GAB2: variants seen among roughly 807,000 people sequenced by gnomAD.
GAB2 encodes GRB2-associated-binding protein 2.
Under a neutral mutation model 65.5 loss-of-function variants are expected in GAB2, and 26 were observed. That is an observed-to-expected ratio of 0.40 (90% CI 0.29 to 0.55). GAB2 has a LOEUF of 0.55. Ranked by LOEUF, GAB2 falls within the 20% of genes least tolerant of loss-of-function variation. The pLI is 0.53. For synonymous variants in GAB2, 321 were observed against 329.6 expected, an observed-to-expected ratio of 0.97 and a Z score of 0.28; for missense variants, 884 against 875.8, an observed-to-expected ratio of 1.01 and a Z score of -0.12.
In GAB2 at chr11:78,254,253, T is replaced by A. The variant is rs890881138; in HGVS notation, c.377-3853A>T. Reference sequence around the variant, plus strand: ...CTATCACTTATGTACCCCTAGTGCCTAGAACAGCCCCAGCCATGGTATGTA... The same window carrying A: ...CTATCACTTATGTACCCCTAGTGCCAAGAACAGCCCCAGCCATGGTATGTA... On this transcript the variant is annotated intron_variant, in intron 2 of 9. Transcript: ENST00000361507. Among the ~76,000 whole-genome samples, 4 of 152,328 alleles carry A rather than the reference T, an allele frequency of 2.6e-5. No individual in the cohort carries two copies. In the East Asian group the frequency reaches 7.7e-4, roughly 29 times the overall value.
At chr11:78,401,713 T>C (rs991333834) in intron 1 of GAB2, among the ~76,000 whole-genome samples, 6 of 152,206 alleles carry the variant, frequency 3.9e-5, no homozygotes, top group African/African-American at 1.4e-4. Flanking sequence ...TATATGTGTG[T>C]ATATATGAAC....
At chr11:78,413,614 C>T (rs1434141354) in intron 1 of GAB2, among the ~76,000 whole-genome samples, 3 of 152,026 alleles carry the variant, frequency 2.0e-5, no homozygotes, top group Admixed American at 2.0e-4. Flanking sequence ...GCATAAACCA[C>T]CACCAAGTTT....
At chr11:78,280,179 T>C (rs1227215917) in intron 2 of GAB2, among the ~76,000 whole-genome samples, 6 of 152,118 alleles carry the variant, frequency 3.9e-5, no homozygotes, top group African/African-American at 7.2e-5. Flanking sequence ...AAGGGTCAAG[T>C]GTGACTGTGC....
chr11:78,377,719 G>C (rs535685634), intron 1 of GAB2, among the ~76,000 whole-genome samples: 2 of 152,258 alleles, frequency 1.3e-5, no homozygotes, highest in East Asian at 3.9e-4. Context: ...CAGTATTGTA[G>C]CAAAGATTAA....
chr11:78,299,283 G>T (rs1352976827), intron 1 of GAB2, among the ~76,000 whole-genome samples: 5 of 152,152 alleles, frequency 3.3e-5, no homozygotes, highest in Middle Eastern at 3.4e-3. Flanking sequence ...TCCTGCTCTG[G>T]GCCATTTCCT....
intron 2 of GAB2, among the ~76,000 whole-genome samples, chr11:78,280,136 C>A (rs1331054041): frequency 6.6e-6 from 1 of 152,194 alleles, no homozygotes. Context: ...AACACTGAAT[C>A]GTCAATAATC....
chr11:78,235,006 T>C (rs1358031356), intron 3 of GAB2, among the ~76,000 whole-genome samples: 1 of 151,810 alleles, frequency 6.6e-6, no homozygotes, highest in Non-Finnish European at 1.5e-5. Context: ...CGACAGACTT[T>C]CTCCTCCCGG....
chr11:78,295,580 A>G (rs11237444), intron 1 of GAB2, among the ~76,000 whole-genome samples: 2,643 of 152,326 alleles, frequency 0.017, 87 homozygotes, highest in African/African-American at 0.062. Flanking sequence ...CAAGTACAGT[A>G]CATAGGTAAC....
chr11:78,406,669 A>G (rs1857049385), intron 1 of GAB2, among the ~76,000 whole-genome samples: 1 of 150,818 alleles, frequency 6.6e-6, no homozygotes, highest in East Asian at 2.0e-4. Flanking sequence ...TGAGCCAAAA[A>G]TGTCCAGGTT....
At chr11:78,395,746 T>G (rs1198878341) in intron 1 of GAB2, among the ~76,000 whole-genome samples, 1 of 152,206 alleles carries the variant, frequency 6.6e-6, no homozygotes, top group Non-Finnish European at 1.5e-5. Context: ...CAGGCTAAGG[T>G]TGCCATTATC....
In GAB2 at chr11:78,218,112, CCTT is replaced by C; in HGVS notation, c.*1157_*1159del. The C allele has an allele frequency of 6.5e-6, 1 of 153,498 alleles. No homozygotes were observed. The highest frequency in any genetic ancestry group is 1.5e-5 in the Non-Finnish European group (1 of 68,710). 9.5% of individuals were successfully genotyped at this position (153,498 alleles called of 1,614,324 possible). On this transcript the variant is annotated 3_prime_UTR_variant, in exon 10 of 10. Transcript: ENST00000361507. The stretch of plus-strand genomic sequence containing the variant: ...ATGTATTTCCCCACTTGCTACATGG[CCTT>C]CACCACTGCTTCACATCTGTCTGCT...
At position 78,317,452 on chromosome 11, in the gene GAB2, C is replaced by G. The variant is rs138536063; in HGVS notation, c.76-36551G>C. Among the ~76,000 whole-genome samples, 692 of 147,668 alleles carry G rather than the reference C, an allele frequency of 4.7e-3. 4 individuals are homozygous for G. Among genetic ancestry groups the G allele is most frequent in the African/African-American group, 0.016 (656 of 40,020 alleles). On this transcript the variant is annotated intron_variant, in intron 1 of 9. Transcript: ENST00000361507. The stretch of plus-strand genomic sequence containing the variant: ...GCGGGCAGCTGTAGTCCCAGCCACT[C>G]GGGAGGCTGAATCGGGATAATCGCT...
intron 1 of GAB2, among the ~76,000 whole-genome samples, chr11:78,362,293 A>G (rs1387704714): frequency 1.3e-5 from 2 of 152,170 alleles, no homozygotes; most frequent in Non-Finnish European, 2.9e-5. Context: ...GACTTCTCAC[A>G]GTATACTTTT....
At chr11:78,225,657 C>T (rs1032243407) in intron 4 of GAB2, among the ~76,000 whole-genome samples, 5 of 152,176 alleles carry the variant, frequency 3.3e-5, no homozygotes, top group African/African-American at 7.2e-5. Context: ...CTCAAATTGT[C>T]GATGGATTGA....
At chr11:78,345,757 T>G (rs1000705377) in intron 1 of GAB2, among the ~76,000 whole-genome samples, 1 of 152,156 alleles carries the variant, frequency 6.6e-6, no homozygotes, top group Admixed American at 6.5e-5. Context: ...CAGACTGAAA[T>G]GCAAAGAAAA....
At position 78,219,105 on chromosome 11, in the gene GAB2, AC is replaced by A. The variant is rs1864289039; in HGVS notation, c.*166del. The A allele has an allele frequency of 3.1e-6, 2 of 641,694 alleles. No individual in the cohort carries two copies. 39.8% of individuals were successfully genotyped at this position (641,694 alleles called of 1,614,324 possible). A position where few individuals can be genotyped will look rare whatever the true frequency, so the allele number is the denominator to read the frequency against. ...GAGGAGGTGCCTTGATCAGGCCCTC[AC>A]CTCCCAGGGGAAGGGTTCAGGGTCC... On this transcript the variant is annotated 3_prime_UTR_variant, in exon 10 of 10. Transcript: ENST00000361507.
chr11:78,307,575 T>C (rs2134636635), intron 1 of GAB2, among the ~76,000 whole-genome samples: 1 of 126,838 alleles, frequency 7.9e-6, no homozygotes, highest in Non-Finnish European at 1.6e-5. Context: ...ATGGGAAAGA[T>C]GGTGAGATCC....
chr11:78,300,526 A>AAAAAAAAAAC (rs768693943), intron 1 of GAB2, among the ~76,000 whole-genome samples: 19,835 of 144,126 alleles, frequency 0.14, 1,699 homozygotes, highest in East Asian at 0.34. Flanking sequence ...TAAAAAAACA[A>AAAAAAAAAAC]AAAAACAAAA....
intron 1 of GAB2, among the ~76,000 whole-genome samples, chr11:78,294,702 C>A (rs1866777308): frequency 6.6e-6 from 1 of 152,164 alleles, no homozygotes. Context: ...AAAGCTGAAA[C>A]TGGATCCCTT....
Sources: gnomAD v4.1 joint callset for allele counts (sites outside exome capture counted in the v4.1 genomes callset) on GRCh38, gnomAD v4.1.1 for gene constraint, MANE v1.5 for transcripts, NCBI Gene and HGNC (gene_info 2026-07-23, HGNC 2026-07-21) for gene names.